Variants in AP2A2 observed in about 807,000 individuals in gnomAD.
AP2A2 encodes the protein AP-2 complex subunit alpha-2.
AP2A2 carries 32 observed loss-of-function variants against 104.2 expected under a neutral mutation model. That is an observed-to-expected ratio of 0.31 (90% CI 0.23 to 0.41). The LOEUF is 0.41. Ranked by LOEUF, AP2A2 falls within the 10% of genes least tolerant of loss-of-function variation. The pLI, the probability that AP2A2 is intolerant of heterozygous loss-of-function variation, is 1.00. For synonymous variants in AP2A2, 539 were observed against 533.3 expected (o/e 1.01, Z -0.15); for missense variants, 912 against 1,261.0 (o/e 0.72, Z 4.19).
Position 967,566 on chromosome 11 carries a change from TAGTC to T in AP2A2, c.137-2600_137-2597del, listed in dbSNP as rs202159605. Among the ~76,000 whole-genome samples the T allele has an allele frequency of 9.1e-3, 1,390 of 152,118 alleles. 30 individuals are homozygous for T. The highest frequency in any genetic ancestry group is 0.032 in the African/African-American group (1,322 of 41,488). The stretch of plus-strand genomic sequence containing the variant: ...TAGTAGAGACAGGATTTCACCGTGT[TAGTC>T]AGGATGGTCTCTATCTCCTGACCTC... On this transcript the variant is annotated intron_variant, in intron 2 of 21. Transcript: ENST00000448903.
chr11:1,002,278 C>A (rs548368295), intron 15 of AP2A2, among the ~76,000 whole-genome samples: 1 of 152,224 alleles, frequency 6.6e-6, no homozygotes, highest in Non-Finnish European at 1.5e-5. Flanking sequence ...AGCAGCGACC[C>A]GGGGGTGCGG....
At chr11:998,963 A>T (rs1855944414) in intron 14 of AP2A2, among the ~76,000 whole-genome samples, 1 of 152,012 alleles carries the variant, frequency 6.6e-6, no homozygotes, top group South Asian at 2.1e-4. Flanking sequence ...AAGTGCTGGG[A>T]TTACAGGTGT....
At chr11:985,726 CT>C in intron 8 of AP2A2, 144 bp downstream of exon 8, 19 of 1,212,764 alleles carry the variant, frequency 1.6e-5, no homozygotes, top group South Asian at 8.2e-5. Context: ...CTGCCGGATG[CT>C]TTTTTTCTTT....
At chr11:938,583 T>G (rs2134473100) in intron 1 of AP2A2, among the ~76,000 whole-genome samples, 1 of 151,814 alleles carries the variant, frequency 6.6e-6, no homozygotes, top group South Asian at 2.1e-4. Flanking sequence ...CACGCCATTC[T>G]CCTGCCTCAG....
Position 1,010,706 on chromosome 11 carries a change from G to A in AP2A2, c.*81G>A. On this transcript the variant is annotated 3_prime_UTR_variant, in exon 22 of 22. Coordinates refer to ENST00000448903, the MANE Select transcript of AP2A2 (RefSeq NM_012305.4). ...TTGTCTTCGTGGCCATCCTGCAGAT[G>A]AGCACCGTGTCCAGTGCCACAGCAC... 3 of 1,169,074 alleles carry A rather than the reference G, an allele frequency of 2.6e-6. No individual in the cohort carries two copies. Among genetic ancestry groups the A allele is most frequent in the Non-Finnish European group, 3.8e-6 (3 of 799,984 alleles). The allele number at this position is 1,169,074 out of a possible 1,614,324, so 72.4% of individuals were successfully genotyped here. A position where few individuals can be genotyped will look rare whatever the true frequency, so the allele number is the denominator to read the frequency against.
Position 984,760 on chromosome 11 carries a change from C to T in AP2A2, c.814+7C>T, listed in dbSNP as rs750205699. ...CAGTGCTACCCACCCCCAGGTAACG[C>T]GCAGGCCGCGGCTCCTGAAGCTGCA... is the stretch of plus-strand genomic sequence containing the variant. On this transcript the variant is annotated splice_region_variant and intron_variant, in intron 7 of 21. Transcript: ENST00000448903. 8.2e-5 allele frequency: 130 copies of T among 1,592,642 alleles called. 1 individual carries two copies. Among genetic ancestry groups the T allele is most frequent in the East Asian group, 3.8e-4 (17 of 44,802 alleles).
rs1459093687 is a variant in AP2A2 at position 968,507 on chromosome 11, CCT to C, written c.137-1661_137-1660del. ...CCCAGTCGGGCCGCTGGTCCTCTCCCCTGTCAGTTATTTTTTCCTTTGAGAGG... is the reference window on the plus strand; with the variant it reads ...CCCAGTCGGGCCGCTGGTCCTCTCCCGTCAGTTATTTTTTCCTTTGAGAGG... On this transcript the variant is annotated intron_variant, in intron 2 of 21. Transcript: ENST00000448903. The surrounding 1 kb of genome is among the most constrained non-coding windows in gnomAD (Gnocchi z 4.2). Among the ~76,000 whole-genome samples the C allele has an allele frequency of 2.0e-5, 3 of 152,286 alleles. No homozygotes were observed. Among genetic ancestry groups the C allele is most frequent in the South Asian group, 2.1e-4 (1 of 4,830 alleles).
chr11:958,589 A>G (rs955167352), intron 1 of AP2A2, among the ~76,000 whole-genome samples: 2 of 152,200 alleles, frequency 1.3e-5, no homozygotes, highest in Non-Finnish European at 2.9e-5. Flanking sequence ...GATAGACTGA[A>G]TAGATCAGTC....
At position 959,521 on chromosome 11, in the gene AP2A2, C is replaced by G; in HGVS notation, c.136+16C>G. 1.3e-6 allele frequency: 2 copies of G among 1,498,982 alleles called. No homozygotes were observed. The highest frequency in any genetic ancestry group is 9.2e-7 in the Non-Finnish European group (1 of 1,087,570). The allele number at this position is 1,498,982 out of a possible 1,614,324, so 92.9% of individuals were successfully genotyped here. A position where few individuals can be genotyped will look rare whatever the true frequency, so the allele number is the denominator to read the frequency against. ...AAATTTAAAGGTAAGTATGTTTAAC[C>G]TTTTCCATGAAATGTCCTGTTGTAA... On this transcript the variant is annotated intron_variant, in intron 2 of 21. Coordinates refer to ENST00000448903, the MANE Select transcript of AP2A2 (RefSeq NM_012305.4).
At position 992,340 on chromosome 11, in the gene AP2A2, C is replaced by A. The variant is rs760630747; in HGVS notation, c.1270-163C>A. ...CAGGGCATCTTAAACTTTCTGGGCTCGTGGGCTTTTTTGAGAATCGAGTTC... is the reference window on the plus strand; with the variant it reads ...CAGGGCATCTTAAACTTTCTGGGCTAGTGGGCTTTTTTGAGAATCGAGTTC... On this transcript the variant is annotated intron_variant, in intron 10 of 21. Coordinates refer to ENST00000448903, the MANE Select transcript of AP2A2 (RefSeq NM_012305.4). The surrounding 1 kb of genome is among the most constrained non-coding windows in gnomAD (Gnocchi z 6.4). 3 of 715,034 alleles carry A rather than the reference C, an allele frequency of 4.2e-6. No individual in the cohort carries two copies. The highest frequency in any genetic ancestry group is 1.8e-5 in the African/African-American group (1 of 56,788). The allele number at this position is 715,034 out of a possible 1,614,324, so 44.3% of individuals were successfully genotyped here. A position where few individuals can be genotyped will look rare whatever the true frequency, so the allele number is the denominator to read the frequency against.
rs971247039 is a variant in AP2A2 at position 983,542 on chromosome 11, C to T, written c.706-1103C>T. The stretch of plus-strand genomic sequence containing the variant: ...GGACTACAGGCGCCCGCCACCATGC[C>T]TGGCTAATTTTTTGTATTTTTTAGT... On this transcript the variant is annotated intron_variant, in intron 6 of 21. Transcript: ENST00000448903. Among the ~76,000 whole-genome samples, 3 of 151,820 alleles carry T rather than the reference C, an allele frequency of 2.0e-5. No individual in the cohort carries two copies. In the East Asian group the frequency reaches 5.8e-4, roughly 29 times the overall value.
At chr11:1,003,669 G>T (rs2133778084) in intron 15 of AP2A2, 53 bp from the exon 16 acceptor site, 1 of 1,238,806 alleles carries the variant, frequency 8.1e-7, no homozygotes, top group East Asian at 2.5e-5. Context: ...ACAAACCCTT[G>T]TGTTTTCTGC....
At chr11:1,010,309 C>T (rs1294867897) in intron 21 of AP2A2, 19 of 582,752 alleles carry the variant, frequency 3.3e-5, no homozygotes, top group African/African-American at 3.7e-5. Context: ...CACAGCTTCT[C>T]CAGGTGGCCG....
chr11:986,362 A>G (rs1443768042), intron 8 of AP2A2, among the ~76,000 whole-genome samples: 1 of 152,254 alleles, frequency 6.6e-6, no homozygotes, highest in Non-Finnish European at 1.5e-5. Flanking sequence ...AGGAGAAGCC[A>G]CATCCTGAGG....
At chr11:982,801 G>A (rs372974459) in intron 6 of AP2A2, among the ~76,000 whole-genome samples, 89 of 149,374 alleles carry the variant, frequency 6.0e-4, no homozygotes, top group African/African-American at 2.1e-3. Context: ...ACAGGCGCCC[G>A]CCAGCACGCC....
intron 1 of AP2A2, among the ~76,000 whole-genome samples, chr11:951,258 C>T (rs1469369494): frequency 6.6e-6 from 1 of 151,888 alleles, no homozygotes; most frequent in Non-Finnish European, 1.5e-5. Context: ...TGAGGCCAGG[C>T]ACTCCCAGCT....
intron 1 of AP2A2, among the ~76,000 whole-genome samples, chr11:953,551 C>CCCCCA (rs1554884697): frequency 2.6e-5 from 4 of 150,994 alleles, no homozygotes; most frequent in Non-Finnish European, 5.9e-5. Context: ...AAGAGCCCCC[C>CCCCCA]CCCCCCATTG....
intron 1 of AP2A2, among the ~76,000 whole-genome samples, chr11:947,294 A>G (rs1294169096): frequency 6.6e-6 from 1 of 152,084 alleles, no homozygotes; most frequent in East Asian, 1.9e-4. Context: ...TGCAGGCGTG[A>G]GCCATTACGC....
At chr11:986,995 G>A (rs1210288594) in intron 9 of AP2A2, 42 bp downstream of exon 9, 14 of 1,536,128 alleles carry the variant, frequency 9.1e-6, no homozygotes, top group African/African-American at 2.7e-5. Context: ...CCCTGAGCAG[G>A]TGCCGTGGGT....
Sources: allele counts gnomAD v4.1 joint callset (sites outside exome capture counted in the v4.1 genomes callset), GRCh38; gene constraint gnomAD v4.1.1; non-coding constraint Gnocchi (gnomAD v3.1); transcripts MANE v1.5; gene names NCBI Gene and HGNC (gene_info 2026-07-23, HGNC 2026-07-21).